The following RNF19A variants were observed in gnomAD, a reference collection of about 807,000 sequenced individuals.
RNF19A encodes the protein ring finger protein 19A, RBR E3 ubiquitin protein ligase, also known as E3 ubiquitin-protein ligase RNF19A.
Under a neutral mutation model 75.7 loss-of-function variants are expected in RNF19A, and 32 were observed. The ratio of observed to expected loss-of-function variants is 0.42; its 90% CI spans 0.32 to 0.57. The LOEUF (loss-of-function observed/expected upper bound fraction) is 0.57. Among genes scored for constraint, RNF19A ranks in the 20% least tolerant of loss-of-function variants. The pLI, the probability that RNF19A is intolerant of heterozygous loss-of-function variation, is 0.10. For synonymous variants in RNF19A, 335 were observed against 345.2 expected (o/e 0.97, Z 0.33); for missense variants, 782 against 1,036.3 (o/e 0.75, Z 3.37).
intron 1 of RNF19A, among the ~76,000 whole-genome samples, chr8:100,299,984 T>A (rs1317397117): frequency 6.6e-6 from 1 of 152,190 alleles, no homozygotes; most frequent in Non-Finnish European, 1.5e-5. Flanking sequence ...AATTGAATGA[T>A]ATATGTACAT....
intron 2 of RNF19A, among the ~76,000 whole-genome samples, chr8:100,276,699 T>C (rs1820530946): frequency 7.4e-6 from 1 of 134,464 alleles, no homozygotes; most frequent in South Asian, 2.2e-4. Context: ...GAGGCTGCAG[T>C]GAGCCAAGAT....
chr8:100,295,226 C>A (rs983779591), intron 1 of RNF19A, among the ~76,000 whole-genome samples: 2 of 152,200 alleles, frequency 1.3e-5, no homozygotes, highest in Admixed American at 1.3e-4. Flanking sequence ...TTTATTTGGA[C>A]ATACATATAT....
intron 2 of RNF19A, among the ~76,000 whole-genome samples, chr8:100,285,353 A>G (rs1820968442): frequency 6.6e-6 from 1 of 152,064 alleles, no homozygotes; most frequent in African/African-American, 2.4e-5. Flanking sequence ...AATTTTCGTA[A>G]TTCTATATGT....
chr8:100,258,355 C>T lies in RNF19A; in HGVS notation c.*201G>A, dbSNP rs1206160100. On this transcript the variant is annotated 3_prime_UTR_variant, in exon 10 of 10. Transcript: ENST00000341084. The surrounding 1 kb of genome is among the most constrained non-coding windows in gnomAD (Gnocchi z 4.3). Reference sequence around the variant, plus strand: ...CAAATTTATTATCCTTAAAATAATGCACTTTTAAAGCCTTCACTTCATAGT... The same window carrying T: ...CAAATTTATTATCCTTAAAATAATGTACTTTTAAAGCCTTCACTTCATAGT... 4 of 491,008 alleles carry T rather than the reference C, an allele frequency of 8.1e-6. No homozygotes were observed. In the East Asian group the frequency reaches 1.3e-4, roughly 16 times the overall value. 30.4% of individuals were successfully genotyped at this position (491,008 alleles called of 1,614,324 possible).
At chr8:100,266,942 A>T (rs1205167977) in intron 5 of RNF19A, among the ~76,000 whole-genome samples, 1 of 152,208 alleles carries the variant, frequency 6.6e-6, no homozygotes, top group Admixed American at 6.5e-5. Flanking sequence ...TCTGATTATA[A>T]AATGTATGTT....
intron 1 of RNF19A, among the ~76,000 whole-genome samples, chr8:100,318,918 A>G (rs1822424562): frequency 6.6e-6 from 1 of 152,230 alleles, no homozygotes; most frequent in African/African-American, 2.4e-5. Flanking sequence ...GTGACCCACA[A>G]GAAGGAATTA....
intron 1 of RNF19A, among the ~76,000 whole-genome samples, chr8:100,292,059 A>G (rs1821323659): frequency 6.6e-6 from 1 of 151,180 alleles, no homozygotes. Flanking sequence ...TGGTCACTAC[A>G]GAAGCTTAAA....
chr8:100,309,603 G>GC, intron 1 of RNF19A: 1 of 957,590 alleles, frequency 1.0e-6, no homozygotes, highest in Non-Finnish European at 1.2e-6. Context: ...CTCCACCTCG[G>GC]CCCCCGCGGC....
intron 1 of RNF19A, among the ~76,000 whole-genome samples, chr8:100,316,730 G>A (rs1822382395): frequency 6.6e-6 from 1 of 152,232 alleles, no homozygotes; most frequent in Non-Finnish European, 1.5e-5. Context: ...CCGCACCAGG[G>A]CTGCAGTTGG....
At chr8:100,311,149 C>T (rs1822284669), upstream of RNF19A, among the ~76,000 whole-genome samples, 1 of 152,176 alleles carries the variant, frequency 6.6e-6, no homozygotes, top group Non-Finnish European at 1.5e-5. Flanking sequence ...CATGGTCTTT[C>T]CGAATGTACT....
Position 100,260,617 on chromosome 8 carries a change from G to C in RNF19A, c.1683-620C>G, listed in dbSNP as rs925579745. Among the ~76,000 whole-genome samples, 1 of 152,006 alleles carries C rather than the reference G, an allele frequency of 6.6e-6. No individual in the cohort carries two copies. The highest frequency in any genetic ancestry group is 2.4e-5 in the African/African-American group (1 of 41,346). ...GGTAGTATATACCACTATAACTTAA[G>C]AGTTTGTATTTAAAAGGCAAACTAC... On this transcript the variant is annotated intron_variant, in intron 8 of 9. Transcript: ENST00000341084. The surrounding 1 kb of genome is among the most constrained non-coding windows in gnomAD (Gnocchi z 4.1).
At chr8:100,266,642 C>T (rs980378117) in intron 5 of RNF19A, among the ~76,000 whole-genome samples, 5 of 152,034 alleles carry the variant, frequency 3.3e-5, no homozygotes, top group African/African-American at 1.2e-4. Flanking sequence ...TCCTTAATAG[C>T]GGGGGCTACA....
At chr8:100,307,327 A>C (rs1822103644) in intron 1 of RNF19A, among the ~76,000 whole-genome samples, 1 of 152,178 alleles carries the variant, frequency 6.6e-6, no homozygotes, top group South Asian at 2.1e-4. Flanking sequence ...CTCTGCGCCC[A>C]GCACTTGACT....
chr8:100,291,014 T>C (rs1461743349), intron 1 of RNF19A, among the ~76,000 whole-genome samples: 2 of 152,040 alleles, frequency 1.3e-5, no homozygotes, highest in Non-Finnish European at 2.9e-5. Context: ...CAGAGCAGGG[T>C]AGAGAAGGCT....
intron 1 of RNF19A, among the ~76,000 whole-genome samples, chr8:100,301,061 G>A (rs1184633028): frequency 6.6e-6 from 1 of 152,208 alleles, no homozygotes; most frequent in Non-Finnish European, 1.5e-5. Flanking sequence ...TTTAGAGCTA[G>A]TAGGTTCGAT....
In RNF19A at chr8:100,284,686, T is replaced by C. The variant is rs1820935398; in HGVS notation, c.674+2815A>G. On this transcript the variant is annotated intron_variant, in intron 2 of 9. Transcript: ENST00000341084. The surrounding 1 kb of genome is among the most constrained non-coding windows in gnomAD (Gnocchi z 4.3). The stretch of plus-strand genomic sequence containing the variant: ...AATATTAATACTGAGCCATTTTACT[T>C]TTTAACAATGAAGTCTCAATGAGAA... 6.6e-6 allele frequency among the ~76,000 whole-genome samples: 1 copy of C among 152,124 alleles called. No homozygotes were observed. The highest frequency in any genetic ancestry group is 2.1e-4 in the South Asian group (1 of 4,834).
At chr8:100,314,106 T>C (rs1822340209), upstream of RNF19A, among the ~76,000 whole-genome samples, 1 of 151,984 alleles carries the variant, frequency 6.6e-6, no homozygotes, top group Non-Finnish European at 1.5e-5. The surrounding 1 kb of genome is among the most constrained non-coding windows in gnomAD (Gnocchi z 4.1). Flanking sequence ...GGTCTTGAAC[T>C]CCTGGGCTTA....
chr8:100,295,441 T>A (rs562113697), intron 1 of RNF19A, among the ~76,000 whole-genome samples: 33 of 152,310 alleles, frequency 2.2e-4, no homozygotes, highest in African/African-American at 7.9e-4. Flanking sequence ...AATATTCATT[T>A]TGCTCACTGG....
At position 100,261,574 on chromosome 8, in the gene RNF19A, C is replaced by T. The variant is rs751133750; in HGVS notation, c.1650G>A (p.Leu550=). ...AACAGTTTACCATGGCACTTCCTGACAGACTCCCCGTTATACTGGCTCCAG... is the reference window on the plus strand; with the variant it reads ...AACAGTTTACCATGGCACTTCCTGATAGACTCCCCGTTATACTGGCTCCAG... ...ALAGASITGS[L]SGSAMVNCFN... Residue 550 remains leucine, a synonymous_variant, in exon 8 of 10, where the codon CTG becomes CTA. Coordinates refer to ENST00000341084, the MANE Select transcript of RNF19A (RefSeq NM_183419.4). This position sits in a 1 kb window ranked among gnomAD's most constrained non-coding sequence, Gnocchi z 4.4. The T allele has an allele frequency of 1.2e-5, 19 of 1,614,104 alleles. No homozygotes were observed. Among genetic ancestry groups the T allele is most frequent in the Non-Finnish European group, 1.6e-5 (19 of 1,180,004 alleles).
Sources: gnomAD v4.1 joint callset for allele counts (sites outside exome capture counted in the v4.1 genomes callset) on GRCh38, gnomAD v4.1.1 for gene constraint, Gnocchi (gnomAD v3.1) non-coding constraint, MANE v1.5 for transcripts, NCBI Gene and HGNC (gene_info 2026-07-23, HGNC 2026-07-21) for gene names.